ZNF160: variants seen among roughly 807,000 people sequenced by gnomAD.
ZNF160 encodes zinc finger protein 160, also known as KRAB zinc finger protein KR18.
A neutral mutation model predicts 13.1 loss-of-function variants in ZNF160; 9 were observed. That is an observed-to-expected ratio of 0.69 (90% CI 0.41 to 1.20). ZNF160 has a LOEUF of 1.20. Ranked by LOEUF, ZNF160 falls within the 50% of genes most tolerant of loss-of-function variation. The pLI is 0.01. For synonymous variants in ZNF160, 293 were observed against 333.2 expected (o/e 0.88, Z 1.31); for missense variants, 838 against 988.0 (o/e 0.85, Z 2.04).
At chr19:53,096,594 T>C (rs1214408002) in intron 1 of ZNF160, among the ~76,000 whole-genome samples, 4 of 143,188 alleles carry the variant, frequency 2.8e-5, no homozygotes, top group East Asian at 2.0e-4. Context: ...GATTTCTCAC[T>C]TGGCAATGAT....
At position 53,070,043 on chromosome 19, in the gene ZNF160, C is replaced by T; in HGVS notation, c.491G>A (p.Arg164Lys). The T allele has an allele frequency of 6.2e-7, 1 of 1,614,088 alleles. No individual in the cohort carries two copies. Among genetic ancestry groups the T allele is most frequent in the Non-Finnish European group, 8.5e-7 (1 of 1,179,984 alleles). Reference sequence around the variant, plus strand: ...TATGTCTCTTCTGTCGCGTTGATCTCTTTTACCTTCTTTCTGGGCCATAAG... The same window carrying T: ...TATGTCTCTTCTGTCGCGTTGATCTTTTTTACCTTCTTTCTGGGCCATAAG... ...GVLMAQKEGK[R>K]DQRDRRDIEN... Residue 164 changes from arginine to lysine, a missense_variant, in exon 6 of 6, where the codon AGA becomes AAA. Arg to Lys is a conservative substitution (Grantham distance 26, BLOSUM62 2). Transcript: ENST00000683776.
chr19:53,088,979 T>C (rs914551405), intron 2 of ZNF160, among the ~76,000 whole-genome samples: 21 of 152,232 alleles, frequency 1.4e-4, no homozygotes, highest in Non-Finnish European at 2.9e-5. Context: ...TTTGAATAAC[T>C]AGCTAGCACA....
intron 2 of ZNF160, 103 bp from the exon 3 acceptor site, chr19:53,086,424 C>T (rs329718): frequency 0.87 from 862,674 of 992,646 alleles, 375,490 homozygotes; most frequent in Middle Eastern, 0.92. Context: ...CACAGTCACA[C>T]GCACAGATCT....
chr19:53,072,988 T>C lies in ZNF160; in HGVS notation c.271+1152A>G, dbSNP rs893791159. The C allele has an allele frequency of 2.9e-5, 18 of 624,690 alleles. No individual in the cohort carries two copies. The South Asian group carries it at 1.2e-3, about 42-fold the overall frequency. The allele number at this position is 624,690 out of a possible 1,614,324, so 38.7% of individuals were successfully genotyped here. On this transcript the variant is annotated intron_variant, in intron 5 of 5. Transcript: ENST00000683776. ...TATATTGACAAATTATAGTTATATA[T>C]ATTTACAGGAAACAAACTGATATTC... is the stretch of plus-strand genomic sequence containing the variant.
chr19:53,080,212 C>T (rs2084575930), intron 3 of ZNF160, among the ~76,000 whole-genome samples: 1 of 151,924 alleles, frequency 6.6e-6, no homozygotes, highest in South Asian at 2.1e-4. Context: ...AATTCTCCTG[C>T]CTCAGCCTTC....
At chr19:53,103,227 G>C (rs1274059493) in intron 1 of ZNF160, 38 bp downstream of exon 1, 1 of 152,278 alleles carries the variant, frequency 6.6e-6, no homozygotes, top group Non-Finnish European at 1.5e-5. Flanking sequence ...TAACCCAAAA[G>C]GAAGCGTCTC....
chr19:53,102,073 C>G (rs551247994), intron 1 of ZNF160, among the ~76,000 whole-genome samples: 1 of 152,220 alleles, frequency 6.6e-6, no homozygotes, highest in Admixed American at 6.5e-5. Flanking sequence ...CCCTAGGATT[C>G]TGACGATGTT....
At chr19:53,086,984 C>T (rs2084860194) in intron 2 of ZNF160, among the ~76,000 whole-genome samples, 1 of 152,198 alleles carries the variant, frequency 6.6e-6, no homozygotes, top group South Asian at 2.1e-4. Context: ...GAACAGGCAA[C>T]ATGGACCAGA....
At chr19:53,098,644 G>A (rs181745025) in intron 1 of ZNF160, among the ~76,000 whole-genome samples, 197 of 151,222 alleles carry the variant, frequency 1.3e-3, no homozygotes, top group Middle Eastern at 3.4e-3. Context: ...AAATTCCCCC[G>A]CTGTTTAGGG....
chr19:53,093,156 C>T (rs2085096888), intron 1 of ZNF160, among the ~76,000 whole-genome samples: 3 of 152,128 alleles, frequency 2.0e-5, no homozygotes, highest in African/African-American at 7.2e-5. Flanking sequence ...TATTTCTGGC[C>T]GGGCACGGTG....
chr19:53,083,899 G>A (rs989257619), intron 3 of ZNF160, among the ~76,000 whole-genome samples: 2 of 152,168 alleles, frequency 1.3e-5, no homozygotes, highest in African/African-American at 4.8e-5. Context: ...CTAAGAAAAA[G>A]GGAGTGAGTT....
chr19:53,074,988 G>T, intron 4 of ZNF160, 69 bp downstream of exon 4: 3 of 1,606,692 alleles, frequency 1.9e-6, no homozygotes, highest in Non-Finnish European at 2.6e-6. Context: ...GGCTCTCCAG[G>T]GACTCGTAAG....
intron 1 of ZNF160, among the ~76,000 whole-genome samples, chr19:53,097,503 T>C (rs2085282634): frequency 6.6e-6 from 1 of 151,448 alleles, no homozygotes; most frequent in African/African-American, 2.4e-5. Flanking sequence ...TGTTATGAAA[T>C]CTCACAAGCC....
chr19:53,074,609 G>A (rs149407375), intron 4 of ZNF160, among the ~76,000 whole-genome samples: 1,859 of 149,618 alleles, frequency 0.012, 19 homozygotes, highest in Non-Finnish European at 0.019. Flanking sequence ...GGCAGAGCTT[G>A]CAGGGAGCCT....
chr19:53,098,742 C>T (rs550846336), intron 1 of ZNF160, among the ~76,000 whole-genome samples: 3 of 151,586 alleles, frequency 2.0e-5, no homozygotes, highest in Admixed American at 2.0e-4. Context: ...GAGCGCATCA[C>T]CTGCTGGAAG....
rs2084246767 is a variant in ZNF160 at position 53,073,237 on chromosome 19, G to A, written c.271+903C>T. The A allele has an allele frequency of 6.2e-6, 9 of 1,462,914 alleles. No individual in the cohort carries two copies. The South Asian group carries it at 1.0e-4, about 16-fold the overall frequency. The allele number at this position is 1,462,914 out of a possible 1,614,324, so 90.6% of individuals were successfully genotyped here. ...CAACATGCAGTACTTGTATTTCTGTGCTGAAGCCTGGAAAAACAGAATACG... is the reference window on the plus strand; with the variant it reads ...CAACATGCAGTACTTGTATTTCTGTACTGAAGCCTGGAAAAACAGAATACG... On this transcript the variant is annotated intron_variant, in intron 5 of 5. Transcript: ENST00000683776.
intron 5 of ZNF160, chr19:53,073,516 C>T (rs539621803): frequency 1.0e-5 from 16 of 1,595,198 alleles, no homozygotes; most frequent in South Asian, 9.9e-5. Flanking sequence ...AGGTCTTCCA[C>T]GCACAGGAAA....
intron 3 of ZNF160, among the ~76,000 whole-genome samples, chr19:53,081,635 G>GA (rs35508631): frequency 1.3e-5 from 2 of 151,852 alleles, no homozygotes; most frequent in Non-Finnish European, 2.9e-5. Context: ...CAAGGCTTCA[G>GA]AAAAAAGGAA....
intron 3 of ZNF160, among the ~76,000 whole-genome samples, chr19:53,084,741 A>G (rs961404572): frequency 4.6e-5 from 7 of 152,196 alleles, no homozygotes; most frequent in Admixed American, 2.0e-4. Flanking sequence ...AAATGAACAC[A>G]GTGGCAAGTT....
Sources: gnomAD v4.1 joint callset for allele counts (sites outside exome capture counted in the v4.1 genomes callset) on GRCh38, gnomAD v4.1.1 for gene constraint, MANE v1.5 for transcripts, NCBI Gene and HGNC (gene_info 2026-07-23, HGNC 2026-07-21) for gene names.